Variants in DMBX1 observed in about 807,000 individuals in gnomAD.
The protein encoded by DMBX1 is diencephalon/mesencephalon homeobox protein 1.
Under a neutral mutation model 30.4 loss-of-function variants are expected in DMBX1, and 7 were observed. The ratio of observed to expected loss-of-function variants is 0.23; its 90% CI spans 0.13 to 0.43. The LOEUF (loss-of-function observed/expected upper bound fraction) is 0.43. DMBX1 is among the 20% of genes least tolerant of loss of function. DMBX1 has a pLI of 1.00. For missense variants in DMBX1, 460 were observed against 508.5 expected (o/e 0.90, Z 0.92); for synonymous variants, 222 against 214.2 (o/e 1.04, Z -0.32).
At chr1:46,511,550 A>G (rs1387987797) in intron 5 of DMBX1, among the ~76,000 whole-genome samples, 1 of 152,190 alleles carries the variant, frequency 6.6e-6, no homozygotes, top group Non-Finnish European at 1.5e-5. Flanking sequence ...AAGTATTCCA[A>G]TATTTTAACA....
At chr1:46,507,242 A>T in intron 3 of DMBX1, 78 bp downstream of exon 3, 1 of 1,558,620 alleles carries the variant, frequency 6.4e-7, no homozygotes, top group Non-Finnish European at 8.7e-7. Flanking sequence ...CAAAGAGGAG[A>T]GGGAGCACTG....
intron 2 of DMBX1, among the ~76,000 whole-genome samples, chr1:46,494,606 GTTC>G (rs1665994341): frequency 6.6e-6 from 1 of 152,192 alleles, no homozygotes; most frequent in Non-Finnish European, 1.5e-5. Context: ...CTCCCAGTGG[GTTC>G]TTCTCCTATC....
intron 1 of DMBX1, among the ~76,000 whole-genome samples, chr1:46,490,345 T>TA (rs1665906078): frequency 1.3e-5 from 2 of 151,826 alleles, no homozygotes; most frequent in Non-Finnish European, 2.9e-5. Context: ...ATTTGGAAGA[T>TA]ATTACTTCGC....
In DMBX1 at chr1:46,516,126, G is replaced by A. The variant is rs1218773671; in HGVS notation, c.*3632G>A. Among the ~76,000 whole-genome samples, 1 of 152,230 alleles carries A rather than the reference G, an allele frequency of 6.6e-6. No homozygotes were observed. The highest frequency in any genetic ancestry group is 1.5e-5 in the Non-Finnish European group (1 of 68,042). On this transcript the variant is annotated 3_prime_UTR_variant, in exon 6 of 6. Coordinates refer to ENST00000360032, the MANE Select transcript of DMBX1 (RefSeq NM_172225.2). ...CCTGTGTAGTGCTGCATGACACTCT[G>A]TGTATCTGTCCTTCTGTCAGTCTCA...
intron 3 of DMBX1, among the ~76,000 whole-genome samples, chr1:46,508,302 GT>G (rs1336236990): frequency 2.0e-5 from 3 of 152,336 alleles, no homozygotes; most frequent in African/African-American, 7.2e-5. Context: ...ATCAGCTGGG[GT>G]AGTCAGGAAG....
In DMBX1 at chr1:46,513,884, TC is replaced by T. The variant is rs1420439560; in HGVS notation, c.*1392del. 4 of 152,228 alleles carry T rather than the reference TC, an allele frequency of 2.6e-5. No homozygotes were observed. The highest frequency in any genetic ancestry group is 9.7e-5 in the African/African-American group (4 of 41,420). 9.4% of individuals were successfully genotyped at this position (152,228 alleles called of 1,614,324 possible). A position where few individuals can be genotyped will look rare whatever the true frequency, so the allele number is the denominator to read the frequency against. On this transcript the variant is annotated 3_prime_UTR_variant, in exon 6 of 6. Coordinates refer to ENST00000360032, the MANE Select transcript of DMBX1 (RefSeq NM_172225.2). ...TAGTCACTGGAATGGAAAAGTGTGTTCCTGTTCATAGCCAGGAAACCCAGCT... is the reference window on the plus strand; with the variant it reads ...TAGTCACTGGAATGGAAAAGTGTGTTCTGTTCATAGCCAGGAAACCCAGCT...
intron 1 of DMBX1, among the ~76,000 whole-genome samples, chr1:46,490,267 G>A (rs1209826141): frequency 6.6e-6 from 1 of 152,198 alleles, no homozygotes; most frequent in Non-Finnish European, 1.5e-5. Flanking sequence ...AGGCGAGGAC[G>A]AAGGCCTTGG....
Position 46,491,733 on chromosome 1 carries a change from T to C in DMBX1, c.-13+950T>C, listed in dbSNP as rs1665932323. Among the ~76,000 whole-genome samples, 1 of 152,042 alleles carries C rather than the reference T, an allele frequency of 6.6e-6. No individual in the cohort carries two copies. Among genetic ancestry groups the C allele is most frequent in the African/African-American group, 2.4e-5 (1 of 41,372 alleles). Reference sequence around the variant, plus strand: ...GTCTGTTAGTTTTAGGTGGGTGTAGTGGGGGTTGTTTTCAATTTTTCGGGG... The same window carrying C: ...GTCTGTTAGTTTTAGGTGGGTGTAGCGGGGGTTGTTTTCAATTTTTCGGGG... On this transcript the variant is annotated intron_variant, in intron 2 of 5. Transcript: ENST00000360032. The surrounding 1 kb of genome is among the most constrained non-coding windows in gnomAD (Gnocchi z 5.5).
intron 2 of DMBX1, among the ~76,000 whole-genome samples, chr1:46,504,307 GGTA>G (rs1248437313): frequency 2.0e-5 from 3 of 147,856 alleles, no homozygotes; most frequent in African/African-American, 7.6e-5. Flanking sequence ...TGTCCTGAAT[GGTA>G]ATGCCTAGGT....
rs760128987 is a variant in DMBX1, at chr1:46,512,124, C to T, written c.764C>T (p.Pro255Leu). 44 of 1,613,892 alleles carry T rather than the reference C, an allele frequency of 2.7e-5. No homozygotes were observed. The highest frequency in any genetic ancestry group is 3.3e-4 in the Middle Eastern group (2 of 6,084). The change falls in exon 6 of 6, where the codon CCG becomes CTG. Residue 255 changes from proline (P) to leucine (L), a missense_variant. Transcript: ENST00000360032. This position sits in a 1 kb window ranked among gnomAD's most constrained non-coding sequence, Gnocchi z 4.8. ...CCCTCCCACTCCTATTCCTCGTCCC[C>T]GCTGAGCCTCTTCCGTCTGCAGGAG... ...LGPSHSYSSS[P>L]LSLFRLQEQF...
intron 2 of DMBX1, among the ~76,000 whole-genome samples, chr1:46,500,334 T>C (rs1248533724): frequency 6.6e-6 from 1 of 150,678 alleles, no homozygotes; most frequent in Non-Finnish European, 1.5e-5. Context: ...ATTAAGTCAA[T>C]TAAAATGTCA....
At position 46,491,686 on chromosome 1, in the gene DMBX1, C is replaced by A. The variant is rs1375987186; in HGVS notation, c.-13+903C>A. Among the ~76,000 whole-genome samples the A allele has an allele frequency of 6.6e-6, 1 of 152,154 alleles. No individual in the cohort carries two copies. The highest frequency in any genetic ancestry group is 2.4e-5 in the African/African-American group (1 of 41,406). On this transcript the variant is annotated intron_variant, in intron 2 of 5. Transcript: ENST00000360032. This position sits in a 1 kb window ranked among gnomAD's most constrained non-coding sequence, Gnocchi z 5.5. Reference sequence around the variant, plus strand: ...CTGCAGGCGGGTCAGCTCTGTCCAACCCCTTTCTAGAAAGTTCTATGGTCT... The same window carrying A: ...CTGCAGGCGGGTCAGCTCTGTCCAAACCCTTTCTAGAAAGTTCTATGGTCT...
Position 46,493,239 on chromosome 1 carries a change from G to A in DMBX1, c.-13+2456G>A, listed in dbSNP as rs1665965033. Reference sequence around the variant, plus strand: ...CATTACCGAACGAGTAGGGAGGGGCGCTGGGGTGGGTTGGTGAGCTTTCGG... The same window carrying A: ...CATTACCGAACGAGTAGGGAGGGGCACTGGGGTGGGTTGGTGAGCTTTCGG... On this transcript the variant is annotated intron_variant, in intron 2 of 5. Coordinates refer to ENST00000360032, the MANE Select transcript of DMBX1 (RefSeq NM_172225.2). This position sits in a 1 kb window ranked among gnomAD's most constrained non-coding sequence, Gnocchi z 4.1. 6.6e-6 allele frequency among the ~76,000 whole-genome samples: 1 copy of A among 152,202 alleles called. No individual in the cohort carries two copies. Among genetic ancestry groups the A allele is most frequent in the African/African-American group, 2.4e-5 (1 of 41,448 alleles).
rs12071940 is a variant in DMBX1 at position 46,512,752 on chromosome 1, A to G, written c.*258A>G. ...CTGGGGTGCCCCAAGCTTCCCTCGG[A>G]GAAGTGAGAGGCTCTCCCTGGCTAG... On this transcript the variant is annotated 3_prime_UTR_variant, in exon 6 of 6. Transcript: ENST00000360032. The surrounding 1 kb of genome is among the most constrained non-coding windows in gnomAD (Gnocchi z 4.8). The G allele has an allele frequency of 0.086, 43,560 of 504,638 alleles. 6,273 individuals are homozygous for G. The highest frequency in any genetic ancestry group is 0.46 in the African/African-American group (24,121 of 52,676). The allele number at this position is 504,638 out of a possible 1,614,324, so 31.3% of individuals were successfully genotyped here.
chr1:46,510,672 TA>T lies in DMBX1; in HGVS notation c.333+20del. ...GGGTGCAGGTAGGGCCCAACTCTCC[TA>T]ACTAGGCCTTGCAGACAAACACCAG... is the stretch of plus-strand genomic sequence containing the variant. On this transcript the variant is annotated intron_variant, in intron 4 of 5. Transcript: ENST00000360032. This position sits in a 1 kb window ranked among gnomAD's most constrained non-coding sequence, Gnocchi z 4.1. The T allele has an allele frequency of 6.2e-7, 1 of 1,607,762 alleles. No homozygotes were observed. The highest frequency in any genetic ancestry group is 1.8e-4 in the Middle Eastern group (1 of 5,502).
At chr1:46,501,170 C>T (rs1196824456) in intron 2 of DMBX1, among the ~76,000 whole-genome samples, 1 of 149,804 alleles carries the variant, frequency 6.7e-6, no homozygotes, top group Non-Finnish European at 1.5e-5. Flanking sequence ...CTCTCTGTCT[C>T]TTTCTTTCTG....
chr1:46,512,870 T>C lies in DMBX1; in HGVS notation c.*376T>C. On this transcript the variant is annotated 3_prime_UTR_variant, in exon 6 of 6. Transcript: ENST00000360032. This position sits in a 1 kb window ranked among gnomAD's most constrained non-coding sequence, Gnocchi z 4.8. ...GGAATGTGAGATATAAATATAAATA[T>C]ATAAAGCTATATTTTCAGGCTCCTG... 5.3e-6 allele frequency: 1 copy of C among 189,022 alleles called. No individual in the cohort carries two copies. Among genetic ancestry groups the C allele is most frequent in the Non-Finnish European group, 1.1e-5 (1 of 92,086 alleles). 11.7% of individuals were successfully genotyped at this position (189,022 alleles called of 1,614,324 possible). A position where few individuals can be genotyped will look rare whatever the true frequency, so the allele number is the denominator to read the frequency against.
chr1:46,499,765 G>A (rs1666089550), intron 2 of DMBX1, among the ~76,000 whole-genome samples: 1 of 152,222 alleles, frequency 6.6e-6, no homozygotes, highest in African/African-American at 2.4e-5. Context: ...TGCCCTCAAC[G>A]AGCTTAGTCT....
rs1312087989 is a variant in DMBX1 at position 46,512,153 on chromosome 1, T to C, written c.793T>C (p.Phe265Leu). 1 of 1,613,998 alleles carries C rather than the reference T, an allele frequency of 6.2e-7. No homozygotes were observed. Among genetic ancestry groups the C allele is most frequent in the East Asian group, 2.2e-5 (1 of 44,866 alleles). Residue 265 changes from phenylalanine to leucine, a missense_variant, in exon 6 of 6, where the codon TTC becomes CTC. Phe to Leu is a conservative substitution (Grantham distance 22). This residue lies in a region of DMBX1 where 334 missense variants were observed against 345.1 expected (regional missense o/e 0.97). Transcript: ENST00000360032. The surrounding 1 kb of genome is among the most constrained non-coding windows in gnomAD (Gnocchi z 4.8). Reference protein sequence around the residue: ...PLSLFRLQEQFRQHMAATNNL... With the variant: ...PLSLFRLQEQLRQHMAATNNL... ...GAGCCTCTTCCGTCTGCAGGAGCAA[T>C]TCCGCCAGCACATGGCGGCCACCAA... is the stretch of plus-strand genomic sequence containing the variant.
Sources: gnomAD v4.1 joint callset for allele counts (sites outside exome capture counted in the v4.1 genomes callset) on GRCh38, gnomAD v4.1.1 for gene constraint, gnomAD v4.1.1 regional missense constraint, Gnocchi (gnomAD v3.1) non-coding constraint, MANE v1.5 for transcripts, NCBI Gene and HGNC (gene_info 2026-07-23, HGNC 2026-07-21) for gene names.